The following PTPRN2 variants were observed in gnomAD, a reference collection of about 807,000 sequenced individuals.
PTPRN2 encodes the protein protein tyrosine phosphatase receptor type N2.
PTPRN2 carries 74 observed loss-of-function variants against 118.8 expected under a neutral mutation model. The ratio of observed to expected loss-of-function variants is 0.62; its 90% confidence interval spans 0.52 to 0.76. PTPRN2 has a LOEUF of 0.76. Among genes scored for constraint, PTPRN2 ranks in the 30% least tolerant of loss-of-function variants. The probability of loss-of-function intolerance (pLI) is 0.00; values close to 1 mark genes in which losing one functional copy is unlikely to be tolerated. For missense variants in PTPRN2, 1,481 were observed against 1,394.4 expected, an observed-to-expected ratio of 1.06 and a Z score of -0.99; for synonymous variants, 641 against 608.0, an observed-to-expected ratio of 1.05 and a Z score of -0.80.
At chr7:158,130,163 G>A (rs923712843) in intron 9 of PTPRN2, among the ~76,000 whole-genome samples, 7 of 152,182 alleles carry the variant, frequency 4.6e-5, no homozygotes, top group Non-Finnish European at 8.8e-5. Context: ...CTGATGAAAT[G>A]TAGCATCTGC....
intron 12 of PTPRN2, among the ~76,000 whole-genome samples, chr7:157,829,161 A>T (rs1452739138): frequency 1.3e-5 from 2 of 152,254 alleles, no homozygotes; most frequent in Non-Finnish European, 2.9e-5. Context: ...AGGACAACTA[A>T]ATTTGTTTCC....
chr7:157,542,271 A>G (rs1456567435), intron 22 of PTPRN2, among the ~76,000 whole-genome samples: 1 of 152,208 alleles, frequency 6.6e-6, no homozygotes, highest in Non-Finnish European at 1.5e-5. Context: ...AGCCATTCAG[A>G]CCATTTCTTC....
intron 2 of PTPRN2, among the ~76,000 whole-genome samples, chr7:158,405,905 G>A (rs1195588375): frequency 6.9e-6 from 1 of 145,778 alleles, no homozygotes; most frequent in African/African-American, 2.6e-5. Flanking sequence ...TCCCGCAGTG[G>A]CTCATCCGTG....
chr7:157,607,003 A>G (rs1285341889), intron 15 of PTPRN2, among the ~76,000 whole-genome samples: 1 of 152,222 alleles, frequency 6.6e-6, no homozygotes, highest in Non-Finnish European at 1.5e-5. Context: ...ACATACGCAC[A>G]TGCTCTATGC....
At chr7:158,109,982 G>C (rs925992896) in intron 10 of PTPRN2, among the ~76,000 whole-genome samples, 3 of 151,934 alleles carry the variant, frequency 2.0e-5, no homozygotes, top group Admixed American at 6.6e-5. Flanking sequence ...GAGTCACTGA[G>C]TGAATGAAGT....
chr7:157,550,945 G>C lies in PTPRN2; in HGVS notation c.2903-1926C>G, dbSNP rs551503991. Among the ~76,000 whole-genome samples the C allele has an allele frequency of 6.6e-5, 10 of 152,226 alleles. No homozygotes were observed. In the South Asian group the frequency reaches 2.1e-3, roughly 32 times the overall value. On this transcript the variant is annotated intron_variant, in intron 21 of 22. Coordinates refer to ENST00000389418, the MANE Select transcript of PTPRN2 (RefSeq NM_002847.5). This position sits in a 1 kb window ranked among gnomAD's most constrained non-coding sequence, Gnocchi z 5.2. ...AAATTTAAAACAGCCTGACACAAAC[G>C]GGTGAGTTTGTGAAATGGTAGAGAG...
intron 6 of PTPRN2, among the ~76,000 whole-genome samples, chr7:158,151,691 T>C (rs2150533132): frequency 6.6e-6 from 1 of 152,194 alleles, no homozygotes; most frequent in African/African-American, 2.4e-5. Flanking sequence ...CCCTTCTTTC[T>C]TCCTTCTCCC....
Position 158,071,406 on chromosome 7 carries a change from GAGT to G in PTPRN2, c.1723+9889_1723+9891del, listed in dbSNP as rs1466310395. On this transcript the variant is annotated intron_variant, in intron 11 of 22. Coordinates refer to ENST00000389418, the MANE Select transcript of PTPRN2 (RefSeq NM_002847.5). ...GCTCGTGGTGGAGGTGCTCGTGGTG[GAGT>G]TGCTCCTGGTGGTGGAGGTGCTCGT... Among the ~76,000 whole-genome samples, 82 of 109,792 alleles carry G rather than the reference GAGT, an allele frequency of 7.5e-4. 4 individuals carry two copies. Among genetic ancestry groups the G allele is most frequent in the African/African-American group, 2.7e-3 (74 of 27,628 alleles). 72.0% of individuals were successfully genotyped at this position (109,792 alleles called of 152,430 possible). A position where few individuals can be genotyped will look rare whatever the true frequency, so the allele number is the denominator to read the frequency against.
At chr7:158,078,447 C>T (rs1663919410) in intron 11 of PTPRN2, among the ~76,000 whole-genome samples, 1 of 152,242 alleles carries the variant, frequency 6.6e-6, no homozygotes, top group African/African-American at 2.4e-5. Flanking sequence ...GGTGTCCGCC[C>T]ATCACCACAG....
Position 157,929,814 on chromosome 7 carries a change from C to T in PTPRN2, c.1724-31077G>A, listed in dbSNP as rs1176491441. On this transcript the variant is annotated intron_variant, in intron 11 of 22. Coordinates refer to ENST00000389418, the MANE Select transcript of PTPRN2 (RefSeq NM_002847.5). The surrounding 1 kb of genome is among the most constrained non-coding windows in gnomAD (Gnocchi z 4.4). ...CTGTAATGCAGAACCTTTCCCAGTG[C>T]CCACTGGTGGTGTTCCCGGGACACC... Among the ~76,000 whole-genome samples the T allele has an allele frequency of 6.6e-6, 1 of 152,174 alleles. No homozygotes were observed. The highest frequency in any genetic ancestry group is 1.9e-4 in the East Asian group (1 of 5,176).
intron 2 of PTPRN2, among the ~76,000 whole-genome samples, chr7:158,351,713 G>C (rs1807951433): frequency 6.6e-6 from 1 of 152,114 alleles, no homozygotes; most frequent in Admixed American, 6.5e-5. Context: ...TCCACAGCCA[G>C]TCACGGCCCC....
At chr7:158,379,796 A>G (rs911594723) in intron 2 of PTPRN2, among the ~76,000 whole-genome samples, 2 of 152,194 alleles carry the variant, frequency 1.3e-5, no homozygotes, top group African/African-American at 4.8e-5. Flanking sequence ...TAATAAAGAC[A>G]TACCTGAGAC....
chr7:158,488,445 C>T (rs1401626064), intron 2 of PTPRN2, among the ~76,000 whole-genome samples: 1 of 152,242 alleles, frequency 6.6e-6, no homozygotes, highest in Non-Finnish European at 1.5e-5. Context: ...GCTTCCCTTC[C>T]CGACCCCAGA....
At chr7:157,901,950 AGGCGGGGCCTTCCCGTCCGTG>A (rs1797484014) in intron 11 of PTPRN2, among the ~76,000 whole-genome samples, 1 of 150,246 alleles carries the variant, frequency 6.7e-6, no homozygotes, top group Admixed American at 6.6e-5. Context: ...CTGGGTCCTG[AGGCGGGGCCTTCCCGTCCGTG>A]TTTCCTTGGT....
At chr7:158,440,441 A>G (rs1367089916) in intron 2 of PTPRN2, among the ~76,000 whole-genome samples, 2 of 150,920 alleles carry the variant, frequency 1.3e-5, no homozygotes, top group East Asian at 2.0e-4. Flanking sequence ...GGTGGTGGTG[A>G]TGATGGTGGT....
At chr7:157,726,707 C>T (rs1356250342) in intron 12 of PTPRN2, among the ~76,000 whole-genome samples, 2 of 152,094 alleles carry the variant, frequency 1.3e-5, no homozygotes, top group Non-Finnish European at 1.5e-5. Flanking sequence ...ATCCAGAGAG[C>T]GAAAAGACAA....
At position 157,804,532 on chromosome 7, in the gene PTPRN2, C is replaced by T. The variant is rs1269843841; in HGVS notation, c.1788+94141G>A. On this transcript the variant is annotated intron_variant, in intron 12 of 22. Coordinates refer to ENST00000389418, the MANE Select transcript of PTPRN2 (RefSeq NM_002847.5). ...GCTCTAGATGATTCTAGACTGTGCA[C>T]GGAGCTTCCATTCTGTAACTGCAGC... 6.7e-5 allele frequency among the ~76,000 whole-genome samples: 10 copies of T among 148,446 alleles called. 1 individual carries two copies. Among genetic ancestry groups the T allele is most frequent in the Non-Finnish European group, 1.3e-4 (9 of 68,002 alleles).
At chr7:157,670,746 T>C (rs183329310) in intron 13 of PTPRN2, among the ~76,000 whole-genome samples, 2 of 152,272 alleles carry the variant, frequency 1.3e-5, no homozygotes, top group African/African-American at 4.8e-5. Context: ...AGTTCACAGA[T>C]CCAACACGAC....
In PTPRN2 at chr7:158,000,306, T is replaced by C. The variant is rs377120662; in HGVS notation, c.1723+80992A>G. Among the ~76,000 whole-genome samples the C allele has an allele frequency of 2.0e-5, 3 of 152,204 alleles. No homozygotes were observed. The East Asian group carries it at 5.8e-4, about 30-fold the overall frequency. ...ATAACCAGAGGATTAAAACAAAAGG[T>C]TAAAGTGATCACTTCAAAAACAATT... On this transcript the variant is annotated intron_variant, in intron 11 of 22. Transcript: ENST00000389418.
Sources: gnomAD v4.1 joint callset for allele counts (sites outside exome capture counted in the v4.1 genomes callset) on GRCh38, gnomAD v4.1.1 for gene constraint, Gnocchi (gnomAD v3.1) non-coding constraint, MANE v1.5 for transcripts, NCBI Gene and HGNC (gene_info 2026-07-23, HGNC 2026-07-21) for gene names.